RPAP3: variants seen among roughly 807,000 people sequenced by gnomAD.
The protein encoded by RPAP3 is RNA polymerase II associated protein 3, also known as RNA polymerase II-associated protein 3.
RPAP3 carries 58 observed loss-of-function variants against 88.8 expected under a neutral mutation model. The ratio of observed to expected loss-of-function variants is 0.65; its 90% CI spans 0.53 to 0.81. The LOEUF (loss-of-function observed/expected upper bound fraction) is 0.81, where lower values mean the gene tolerates loss of function less well. Ranked by LOEUF, RPAP3 falls within the 40% of genes least tolerant of loss-of-function variation. RPAP3 has a pLI of 0.00. For missense variants in RPAP3, 751 were observed against 764.3 expected (o/e 0.98, Z 0.20); for synonymous variants, 255 against 259.9 (o/e 0.98, Z 0.18).
At chr12:47,686,697 A>G in intron 9 of RPAP3, 83 bp downstream of exon 9, 1 of 1,064,070 alleles carries the variant, frequency 9.4e-7, no homozygotes, top group Non-Finnish European at 1.3e-6. Context: ...CATAATTGGC[A>G]TGTTAGGTAA....
chr12:47,669,954 A>G (rs1012210002), intron 13 of RPAP3, among the ~76,000 whole-genome samples, 153 bp downstream of exon 13: 5 of 152,230 alleles, frequency 3.3e-5, no homozygotes, highest in Admixed American at 1.3e-4. Context: ...CACCCTTACA[A>G]TAAGTACAAA....
intron 2 of RPAP3, 132 bp from the exon 3 acceptor site, chr12:47,701,736 A>G: frequency 1.7e-6 from 1 of 571,878 alleles, no homozygotes; most frequent in East Asian, 3.4e-5. Context: ...TAAAAAGACC[A>G]ATTTACCACC....
At chr12:47,690,271 A>C (rs1424362908) in intron 6 of RPAP3, among the ~76,000 whole-genome samples, 4 of 152,316 alleles carry the variant, frequency 2.6e-5, no homozygotes, top group East Asian at 1.9e-4. Flanking sequence ...AGAAACTGAA[A>C]ATCAGAGGAG....
chr12:47,684,275 A>C (rs780967533), intron 9 of RPAP3, among the ~76,000 whole-genome samples: 2 of 152,176 alleles, frequency 1.3e-5, no homozygotes, highest in Non-Finnish European at 2.9e-5. Context: ...CAGAAAGCAC[A>C]TTCTCTAGGA....
At position 47,666,598 on chromosome 12, in the gene RPAP3, T is replaced by C. The variant is rs1319884533; in HGVS notation, c.1912+382A>G. On this transcript the variant is annotated intron_variant, in intron 16 of 16. Coordinates refer to ENST00000005386, the MANE Select transcript of RPAP3 (RefSeq NM_024604.3). ...AGTAACAGTAGGAACTCCACCATTA[T>C]ACCATTTACTGCGTTTTCAAGTAGA... Among the ~76,000 whole-genome samples the C allele has an allele frequency of 3.9e-5, 6 of 152,164 alleles. No individual in the cohort carries two copies. The East Asian group carries it at 9.6e-4, about 24-fold the overall frequency.
At chr12:47,668,229 G>C (rs1204160239) in intron 14 of RPAP3, among the ~76,000 whole-genome samples, 3 of 152,098 alleles carry the variant, frequency 2.0e-5, no homozygotes, top group Non-Finnish European at 2.9e-5. Context: ...CTATGCATTA[G>C]CACTTATGAA....
chr12:47,669,127 CA>C, intron 13 of RPAP3, 25 bp from the exon 14 acceptor site: 2 of 1,540,210 alleles, frequency 1.3e-6, no homozygotes, highest in Non-Finnish European at 1.8e-6. Flanking sequence ...AGGTATCAAA[CA>C]GAAAAGAACC....
intron 8 of RPAP3, 68 bp from the exon 9 acceptor site, chr12:47,686,975 TTA>T: frequency 1.0e-6 from 1 of 972,788 alleles, no homozygotes. Context: ...AATTCAAATC[TTA>T]TGAAACACTG....
intron 5 of RPAP3, among the ~76,000 whole-genome samples, chr12:47,694,360 A>G (rs1939482793): frequency 6.6e-6 from 1 of 152,242 alleles, no homozygotes. Context: ...AAAAACCTTC[A>G]GCATATGTGA....
Position 47,687,914 on chromosome 12 carries a change from G to T in RPAP3, c.826C>A (p.Gln276Lys). 6.2e-7 allele frequency: 1 copy of T among 1,613,510 alleles called. No individual in the cohort carries two copies. The highest frequency in any genetic ancestry group is 8.5e-7 in the Non-Finnish European group (1 of 1,179,686). ...GAAATGGCCTGCTGCTTATTCTGTT[G>T]TGCTTCAATTTGCTTTCGCTCTCCT... Reference protein sequence around the residue: ...TEGERKQIEAQQNKQQAISEK... With the variant: ...TEGERKQIEAKQNKQQAISEK... Residue 276 changes from glutamine (Q) to lysine (K), a missense_variant, in exon 8 of 17, where the codon CAA becomes AAA. Transcript: ENST00000005386.
chr12:47,687,964 G>C lies in RPAP3; in HGVS notation c.776C>G (p.Ala259Gly). Residue 259 changes from alanine to glycine, a missense_variant, in exon 8 of 17, where the codon GCT (alanine) becomes GGT (glycine). By Grantham distance (60) the Ala-to-Gly change is moderately conservative. Coordinates refer to ENST00000005386, the MANE Select transcript of RPAP3 (RefSeq NM_024604.3). ...TTCTGTTGACTTAATCACTATGTCA[G>C]CTTCCTTTGGATATGAGTTTTCTTT... ...ASKENSYPKE[A>G]DIVIKSTEGE... 6.2e-7 allele frequency: 1 copy of C among 1,613,274 alleles called. No individual in the cohort carries two copies. The highest frequency in any genetic ancestry group is 8.5e-7 in the Non-Finnish European group (1 of 1,179,548).
intron 3 of RPAP3, 41 bp downstream of exon 3, chr12:47,701,423 T>C (rs750454930): frequency 3.4e-6 from 5 of 1,486,422 alleles, no homozygotes; most frequent in Non-Finnish European, 3.6e-6. Context: ...CCCAGAAAAT[T>C]TTACTCAAAT....
intron 1 of RPAP3, among the ~76,000 whole-genome samples, chr12:47,704,409 C>A (rs912159550): frequency 6.6e-6 from 1 of 152,072 alleles, no homozygotes; most frequent in Admixed American, 6.5e-5. Flanking sequence ...TGCTCTGTCG[C>A]CCAGGCTGGA....
At chr12:47,697,856 C>A in intron 3 of RPAP3, 137 bp from the exon 4 acceptor site, 1 of 739,150 alleles carries the variant, frequency 1.4e-6, no homozygotes, top group Non-Finnish European at 2.1e-6. Flanking sequence ...CAAAGCAACC[C>A]AAATCTCTCA....
At chr12:47,680,505 G>A (rs1939202384) in intron 10 of RPAP3, among the ~76,000 whole-genome samples, 2 of 151,918 alleles carry the variant, frequency 1.3e-5, no homozygotes, top group Non-Finnish European at 2.9e-5. Flanking sequence ...GTAGCTAACA[G>A]GCTTATAGAG....
Position 47,697,690 on chromosome 12 carries a change from G to A in RPAP3, c.324C>T (p.Asp108=), listed in dbSNP as rs150350108. Residue 108 remains aspartate, a synonymous_variant, in exon 4 of 17, where the codon GAC becomes GAT. Transcript: ENST00000005386. ...GAGACAGAGACTCATGGGTACTATC[G>A]TCTTTGTCAAGCTCATCAAGGATAC... The part of the protein sequence containing the change: ...VDRILDELDK[D]DSTHESLSQE... 4.4e-6 allele frequency: 7 copies of A among 1,606,622 alleles called. No homozygotes were observed. The highest frequency in any genetic ancestry group is 2.2e-5 in the East Asian group (1 of 44,632).
intron 12 of RPAP3, among the ~76,000 whole-genome samples, chr12:47,674,450 C>T (rs572550616): frequency 7.0e-4 from 107 of 152,222 alleles, no homozygotes; most frequent in Non-Finnish European, 2.1e-4. Flanking sequence ...CAAACTTCTC[C>T]AAGCTAAAGG....
chr12:47,668,257 T>C (rs1236852916), intron 14 of RPAP3, among the ~76,000 whole-genome samples: 1 of 152,132 alleles, frequency 6.6e-6, no homozygotes, highest in African/African-American at 2.4e-5. Context: ...GGAGTCACAT[T>C]AAAATGCAAT....
chr12:47,683,245 C>T (rs1284389417), intron 9 of RPAP3, among the ~76,000 whole-genome samples: 3 of 152,152 alleles, frequency 2.0e-5, no homozygotes, highest in Non-Finnish European at 2.9e-5. Flanking sequence ...TCCTTCATAG[C>T]GCTATCTTAG....
Sources: gnomAD v4.1 joint callset for allele counts (sites outside exome capture counted in the v4.1 genomes callset) on GRCh38, gnomAD v4.1.1 for gene constraint, MANE v1.5 for transcripts, NCBI Gene and HGNC (gene_info 2026-07-23, HGNC 2026-07-21) for gene names.